Variants in ZNF829 observed in about 807,000 individuals in gnomAD.
The protein encoded by ZNF829 is zinc finger protein 829.
ZNF829 carries 25 observed loss-of-function variants against 35.2 expected under a neutral mutation model. The ratio of observed to expected loss-of-function variants is 0.71; its 90% CI spans 0.52 to 0.99. The LOEUF is 0.99. Among genes scored for constraint, ZNF829 ranks in the 50% least tolerant of loss-of-function variants. The pLI, the probability that ZNF829 is intolerant of heterozygous loss-of-function variation, is 0.00. For missense variants in ZNF829, 417 were observed against 515.3 expected, an observed-to-expected ratio of 0.81 and a Z score of 1.85; for synonymous variants, 136 against 163.2, an observed-to-expected ratio of 0.83 and a Z score of 1.27.
intron 3 of ZNF829, among the ~76,000 whole-genome samples, chr19:36,910,650 C>T (rs2073256248): frequency 6.6e-6 from 1 of 152,150 alleles, no homozygotes; most frequent in South Asian, 2.1e-4. Context: ...GCAGGCCCTT[C>T]CCCATACCTT....
chr19:36,888,298 C>G lies in ZNF829; in HGVS notation c.*3194G>C, dbSNP rs1355355276. ...ATACATATTCCAGGGAAGATGTTTC[C>G]TGTTCTATCTCCCAACACATACAGT... On this transcript the variant is annotated 3_prime_UTR_variant, in exon 6 of 6. Coordinates refer to ENST00000391711, the MANE Select transcript of ZNF829 (RefSeq NM_001037232.4). The G allele has an allele frequency of 6.6e-6, 1 of 151,520 alleles. No individual in the cohort carries two copies. The highest frequency in any genetic ancestry group is 1.5e-5 in the Non-Finnish European group (1 of 68,006). The allele number at this position is 151,520 out of a possible 1,614,324, so 9.4% of individuals were successfully genotyped here.
Position 36,908,316 on chromosome 19 carries a change from G to C in ZNF829, c.223+17C>G. 6.2e-7 allele frequency: 1 copy of C among 1,601,300 alleles called. No individual in the cohort carries two copies. On this transcript the variant is annotated intron_variant, in intron 4 of 5. Transcript: ENST00000391711. ...TCCAAGGGCACACTCTGAATTTTGG[G>C]GAATAGTTATCCTTACCCACTGAAA... is the stretch of plus-strand genomic sequence containing the variant.
At position 36,891,735 on chromosome 19, in the gene ZNF829, A is replaced by G. The variant is rs2073055189; in HGVS notation, c.1056T>C (p.Tyr352=). 1 of 1,614,032 alleles carries G rather than the reference A, an allele frequency of 6.2e-7. No individual in the cohort carries two copies. The highest frequency in any genetic ancestry group is 1.3e-5 in the African/African-American group (1 of 74,936). Residue 352 remains tyrosine, a synonymous_variant, in exon 6 of 6, where the codon TAT becomes TAC. Coordinates refer to ENST00000391711, the MANE Select transcript of ZNF829 (RefSeq NM_001037232.4). The part of the protein sequence containing the change: ...HHRIHAGEKL[Y]ECEECRKAFI... ...AGGCCTTTCTACATTCTTCACATTC[A>G]TAGAGCTTCTCACCAGCATGAATTC...
At chr19:36,914,061 T>C (rs145591570) in intron 3 of ZNF829, among the ~76,000 whole-genome samples, 1 of 152,282 alleles carries the variant, frequency 6.6e-6, no homozygotes, top group East Asian at 1.9e-4. Context: ...AATCTGACTC[T>C]TACCTCATAA....
intron 5 of ZNF829, among the ~76,000 whole-genome samples, chr19:36,902,905 G>T (rs773045348): frequency 2.0e-5 from 3 of 151,926 alleles, no homozygotes; most frequent in Non-Finnish European, 4.4e-5. Flanking sequence ...ACATGGTGGC[G>T]CACGCCTGTA....
At chr19:36,900,145 AACACACACACACACACACACACACAC>A (rs56218050) in intron 5 of ZNF829, among the ~76,000 whole-genome samples, 4 of 120,444 alleles carry the variant, frequency 3.3e-5, no homozygotes, top group South Asian at 3.0e-4. Context: ...GTCTCTACTA[AACACACACACACACACACACACACAC>A]ACACACACAC....
At position 36,909,613 on chromosome 19, in the gene ZNF829, C is replaced by T. The variant is rs1471462579; in HGVS notation, c.97-1154G>A. Among the ~76,000 whole-genome samples the T allele has an allele frequency of 3.9e-5, 6 of 152,074 alleles. No homozygotes were observed. The East Asian group carries it at 7.8e-4, about 20-fold the overall frequency. On this transcript the variant is annotated intron_variant, in intron 3 of 5. Coordinates refer to ENST00000391711, the MANE Select transcript of ZNF829 (RefSeq NM_001037232.4). ...CACCAGGTCAGGAGTTCGAGACCAG[C>T]CTGGCCAACATGATGAAACCCCGTG...
intron 3 of ZNF829, among the ~76,000 whole-genome samples, chr19:36,911,898 C>G (rs2146250518): frequency 6.6e-6 from 1 of 152,286 alleles, no homozygotes; most frequent in Middle Eastern, 3.4e-3. Context: ...AGAAGACATG[C>G]TGTGCATATC....
In ZNF829 at chr19:36,889,724, T is replaced by C. The variant is rs913398023; in HGVS notation, c.*1768A>G. The C allele has an allele frequency of 5.3e-5, 8 of 152,188 alleles. No homozygotes were observed. The highest frequency in any genetic ancestry group is 7.3e-5 in the Non-Finnish European group (5 of 68,030). The allele number at this position is 152,188 out of a possible 1,614,324, so 9.4% of individuals were successfully genotyped here. A position where few individuals can be genotyped will look rare whatever the true frequency, so the allele number is the denominator to read the frequency against. On this transcript the variant is annotated 3_prime_UTR_variant, in exon 6 of 6. Coordinates refer to ENST00000391711, the MANE Select transcript of ZNF829 (RefSeq NM_001037232.4). The stretch of plus-strand genomic sequence containing the variant: ...TTTATCTTTGCAAAGAACCAACTTT[T>C]TCTTTTATTGATCTTTTGCATTCCT...
chr19:36,892,897 C>T, intron 5 of ZNF829: 4 of 1,154,018 alleles, frequency 3.5e-6, no homozygotes, highest in Non-Finnish European at 3.3e-6. Context: ...GCAAGGCCAT[C>T]AGCATGCCCA....
chr19:36,899,180 C>T (rs1300759802), intron 5 of ZNF829, among the ~76,000 whole-genome samples: 1 of 152,172 alleles, frequency 6.6e-6, no homozygotes. Flanking sequence ...CGGCTCATAA[C>T]TGTAATCCCA....
At chr19:36,901,774 A>G in intron 5 of ZNF829, 2 of 564,480 alleles carry the variant, frequency 3.5e-6, no homozygotes. Context: ...GTGAGAAGAA[A>G]AAGGGCCGTT....
chr19:36,888,340 A>T lies in ZNF829; in HGVS notation c.*3152T>A, dbSNP rs1415579382. The stretch of plus-strand genomic sequence containing the variant: ...ACATACAGTGTTATTACCACAATAT[A>T]GTGTCAAACCGTCAATGCAAAAATC... On this transcript the variant is annotated 3_prime_UTR_variant, in exon 6 of 6. Transcript: ENST00000391711. 3.3e-5 allele frequency: 5 copies of T among 152,160 alleles called. No individual in the cohort carries two copies. The highest frequency in any genetic ancestry group is 4.8e-5 in the African/African-American group (2 of 41,434). 9.4% of individuals were successfully genotyped at this position (152,160 alleles called of 1,614,324 possible). A position where few individuals can be genotyped will look rare whatever the true frequency, so the allele number is the denominator to read the frequency against.
At chr19:36,897,938 G>A (rs2073127540) in intron 5 of ZNF829, among the ~76,000 whole-genome samples, 1 of 152,226 alleles carries the variant, frequency 6.6e-6, no homozygotes, top group Non-Finnish European at 1.5e-5. Flanking sequence ...GAAGGCCGAG[G>A]TGGGTGGATC....
chr19:36,894,040 T>G (rs1022860762), intron 5 of ZNF829, among the ~76,000 whole-genome samples: 4 of 152,146 alleles, frequency 2.6e-5, no homozygotes, highest in Non-Finnish European at 4.4e-5. Context: ...TCCCTGCCCC[T>G]CAGGGCCTTC....
intron 5 of ZNF829, among the ~76,000 whole-genome samples, 192 bp from the exon 6 acceptor site, chr19:36,892,663 T>A (rs1239784424): frequency 6.6e-6 from 1 of 152,188 alleles, no homozygotes; most frequent in African/African-American, 2.4e-5. Context: ...GCTGAGGATG[T>A]GGATTCAGAA....
intron 1 of ZNF829, among the ~76,000 whole-genome samples, chr19:36,915,577 C>T (rs551867326): frequency 6.2e-5 from 9 of 144,648 alleles, no homozygotes; most frequent in Non-Finnish European, 3.0e-5. Context: ...CAGACAATTT[C>T]ACAACCTCCC....
At chr19:36,895,144 C>T (rs2073100500) in intron 5 of ZNF829, among the ~76,000 whole-genome samples, 1 of 152,116 alleles carries the variant, frequency 6.6e-6, no homozygotes, top group Admixed American at 6.6e-5. Flanking sequence ...AGAAACCTTC[C>T]ATGCCAGGAA....
rs974034947 is a variant in ZNF829 at position 36,890,230 on chromosome 19, A to G, written c.*1262T>C. 1 of 152,170 alleles carries G rather than the reference A, an allele frequency of 6.6e-6. No individual in the cohort carries two copies. The highest frequency in any genetic ancestry group is 1.5e-5 in the Non-Finnish European group (1 of 68,036). 9.4% of individuals were successfully genotyped at this position (152,170 alleles called of 1,614,324 possible). ...TTCCATGCACAGAAGAGAAGAGTAT[A>G]TATTCTGTGGTTGTTGGGTAGAATG... On this transcript the variant is annotated 3_prime_UTR_variant, in exon 6 of 6. Coordinates refer to ENST00000391711, the MANE Select transcript of ZNF829 (RefSeq NM_001037232.4).
Sources: allele counts gnomAD v4.1 joint callset (sites outside exome capture counted in the v4.1 genomes callset), GRCh38; gene constraint gnomAD v4.1.1; transcripts MANE v1.5; gene names NCBI Gene and HGNC (gene_info 2026-07-23, HGNC 2026-07-21).